TPD52L3: variants seen among roughly 807,000 people sequenced by gnomAD.
The protein encoded by TPD52L3 is TPD52 like 3.
In TPD52L3, 12 loss-of-function variants were observed where a neutral mutation model predicts 8.7. That is an observed-to-expected ratio of 1.38 (90% CI 0.89 to 2.24). The LOEUF (loss-of-function observed/expected upper bound fraction) is 2.24, where lower values mean the gene tolerates loss of function less well. Ranked by LOEUF, TPD52L3 falls within the 30% of genes most tolerant of loss-of-function variation. TPD52L3 has a pLI of 0.00. For synonymous variants in TPD52L3, 79 were observed against 66.8 expected (o/e 1.18, Z -0.89); for missense variants, 207 against 158.7 (o/e 1.30, Z -1.64).
Position 6,328,797 on chromosome 9 carries a change from G to A in TPD52L3, c.202G>A (p.Ala68Thr), listed in dbSNP as rs77788073. 1,148 of 1,614,172 alleles carry A rather than the reference G, an allele frequency of 7.1e-4. 12 individuals carry two copies. The African/African-American group carries it at 0.014, about 20-fold the overall frequency. Reference protein sequence around the residue: ...GELKRKLGLTALVGLRQNLSK... With the variant: ...GELKRKLGLTTLVGLRQNLSK... The stretch of plus-strand genomic sequence containing the variant: ...ACTCAAGAGGAAGTTAGGCCTCACC[G>A]CCTTGGTAGGGCTGAGACAGAATCT... The change falls in exon 1 of 2, where the codon GCC (alanine) becomes ACC (threonine). Residue 68 changes from alanine (A) to threonine (T), a missense_variant. By Grantham distance (58) the Ala-to-Thr change is moderately conservative. Coordinates refer to ENST00000314556, the MANE Select transcript of TPD52L3 (RefSeq NM_001001874.3).
chr9:6,330,824 A>C (rs1818137462), intron 1 of TPD52L3, 152 bp from the exon 2 acceptor site: 7 of 1,422,682 alleles, frequency 4.9e-6, no homozygotes, highest in Non-Finnish European at 6.4e-6. Flanking sequence ...ACAATCTCAG[A>C]CTATTATCAT....
At chr9:6,329,950 A>T in intron 1 of TPD52L3, 1 of 1,315,344 alleles carries the variant, frequency 7.6e-7, no homozygotes, top group Non-Finnish European at 9.7e-7. Context: ...CCATAGCAGC[A>T]CTTCACTTAA....
In TPD52L3 at chr9:6,328,919, G is replaced by T. The variant is rs775032692; in HGVS notation, c.324G>T (p.Lys108Asn). The T allele has an allele frequency of 2.4e-5, 39 of 1,614,174 alleles. 1 individual carries two copies. The South Asian group carries it at 4.2e-4, about 17-fold the overall frequency. ...LSTMGTLICR[K>N]LGGVKKSATF... Reference sequence around the variant, plus strand: ...CCATGGGCACTCTCATCTGCAGGAAGCTTGGAGGCGTGAAGAAGTCGGCCA... The same window carrying T: ...CCATGGGCACTCTCATCTGCAGGAATCTTGGAGGCGTGAAGAAGTCGGCCA... Residue 108 changes from lysine to asparagine, a missense_variant, in exon 1 of 2, where the codon AAG (lysine) becomes AAT (asparagine). Physicochemically the swap from Lys to Asn is moderately conservative, Grantham distance 94. Transcript: ENST00000314556.
Position 6,331,080 on chromosome 9 carries a change from T to G in TPD52L3, c.*61T>G. On this transcript the variant is annotated 3_prime_UTR_variant, in exon 2 of 2. Transcript: ENST00000314556. ...GAGACTATCAACAACATGAACTTGT[T>G]CACAAGTTCCTTCTGCTTTTAAACA... 1 of 1,537,468 alleles carries G rather than the reference T, an allele frequency of 6.5e-7. No homozygotes were observed. Among genetic ancestry groups the G allele is most frequent in the Non-Finnish European group, 8.9e-7 (1 of 1,122,030 alleles).
At chr9:6,330,311 T>C (rs1268182491) in intron 1 of TPD52L3, 3 of 1,551,060 alleles carry the variant, frequency 1.9e-6, no homozygotes, top group Admixed American at 2.1e-5. Flanking sequence ...TTTGTTTTCC[T>C]TTTCCATTTT....
At chr9:6,329,798 A>C in intron 1 of TPD52L3, 1 of 1,054,572 alleles carries the variant, frequency 9.5e-7, no homozygotes, top group Non-Finnish European at 1.2e-6. Flanking sequence ...TGGACTAAGC[A>C]AAACAACAGT....
At chr9:6,330,631 G>C in intron 1 of TPD52L3, 1 of 1,167,604 alleles carries the variant, frequency 8.6e-7, no homozygotes, top group South Asian at 3.6e-5. Context: ...TGAAGACAAA[G>C]TTTTGCTTGG....
At chr9:6,329,074 G>A in intron 1 of TPD52L3, 112 bp downstream of exon 1, 4 of 1,572,430 alleles carry the variant, frequency 2.5e-6, no homozygotes, top group South Asian at 2.4e-5. Context: ...GGGGTGTGGG[G>A]AAGACCCACT....
intron 1 of TPD52L3, chr9:6,329,664 A>T: frequency 2.0e-6 from 2 of 1,001,770 alleles, no homozygotes; most frequent in Non-Finnish European, 2.4e-6. Flanking sequence ...CTTTTATTTT[A>T]AAAAGATGAT....
intron 1 of TPD52L3, chr9:6,330,250 G>C (rs1274836077): frequency 1.3e-6 from 2 of 1,598,710 alleles, no homozygotes; most frequent in Non-Finnish European, 1.7e-6. Context: ...AACCTGGACG[G>C]TGCTTGTTTG....
chr9:6,329,826 T>C (rs1039509477), intron 1 of TPD52L3: 11 of 1,099,654 alleles, frequency 1.0e-5, no homozygotes, highest in African/African-American at 1.7e-5. Flanking sequence ...TAGGAAATTA[T>C]TACTACTTTG....
intron 1 of TPD52L3, chr9:6,330,723 G>A: frequency 1.6e-6 from 2 of 1,263,130 alleles, no homozygotes; most frequent in Non-Finnish European, 1.0e-6. Context: ...TTGTATGCTG[G>A]AGAACAAGAG....
chr9:6,329,889 T>C (rs995646810), intron 1 of TPD52L3: 2 of 1,224,408 alleles, frequency 1.6e-6, no homozygotes, highest in South Asian at 3.5e-5. Flanking sequence ...AATTTCTTTA[T>C]ATATCAAAAT....
At chr9:6,330,636 G>C in intron 1 of TPD52L3, 4 of 1,169,216 alleles carry the variant, frequency 3.4e-6, no homozygotes, top group Non-Finnish European at 4.3e-6. Context: ...ACAAAGTTTT[G>C]CTTGGATTAA....
intron 1 of TPD52L3, 188 bp from the exon 2 acceptor site, chr9:6,330,788 A>G (rs538610212): frequency 1.9e-4 from 257 of 1,360,242 alleles, no homozygotes; most frequent in Middle Eastern, 1.7e-3. Flanking sequence ...AGGCTTTGAC[A>G]TATTTCAGGA....
Position 6,330,610 on chromosome 9 carries a change from C to G in TPD52L3, c.368-366C>G, listed in dbSNP as rs143399396. Reference sequence around the variant, plus strand: ...AAAGTTACTCATGTATCCCAACCCTCCACAGATTTCTGAAGACAAAGTTTT... The same window carrying G: ...AAAGTTACTCATGTATCCCAACCCTGCACAGATTTCTGAAGACAAAGTTTT... On this transcript the variant is annotated intron_variant, in intron 1 of 1. Transcript: ENST00000314556. 34 of 1,166,238 alleles carry G rather than the reference C, an allele frequency of 2.9e-5. No individual in the cohort carries two copies. The East Asian group carries it at 1.2e-3, about 42-fold the overall frequency. 72.2% of individuals were successfully genotyped at this position (1,166,238 alleles called of 1,614,324 possible). A position where few individuals can be genotyped will look rare whatever the true frequency, so the allele number is the denominator to read the frequency against.
chr9:6,330,533 CT>C (rs1222767823), intron 1 of TPD52L3: 2 of 1,210,072 alleles, frequency 1.7e-6, no homozygotes, highest in Non-Finnish European at 1.0e-6. Context: ...TTTGGTTTTC[CT>C]ATAAGCAAAA....
rs1818145770 is a variant in TPD52L3, at chr9:6,331,273, A to G, written c.*254A>G. The stretch of plus-strand genomic sequence containing the variant: ...TAAAATAGAGCTGTGTGCCAGAGAT[A>G]AAAGAAGTCCTGAGGAAGGGGTGTT... On this transcript the variant is annotated 3_prime_UTR_variant, in exon 2 of 2. Coordinates refer to ENST00000314556, the MANE Select transcript of TPD52L3 (RefSeq NM_001001874.3). The G allele has an allele frequency of 8.6e-6, 3 of 347,464 alleles. No homozygotes were observed. Among genetic ancestry groups the G allele is most frequent in the South Asian group, 1.5e-4 (2 of 12,912 alleles). 21.5% of individuals were successfully genotyped at this position (347,464 alleles called of 1,614,324 possible).
rs764590794 is a variant in TPD52L3, at chr9:6,331,139, C to T, written c.*120C>T. ...GTGTTTATTCAAAGCCAATCTGAGA[C>T]CCTACTCTGTATCAAGAACTGTCCC... is the stretch of plus-strand genomic sequence containing the variant. On this transcript the variant is annotated 3_prime_UTR_variant, in exon 2 of 2. Coordinates refer to ENST00000314556, the MANE Select transcript of TPD52L3 (RefSeq NM_001001874.3). 2.2e-5 allele frequency: 23 copies of T among 1,048,660 alleles called. No homozygotes were observed. The African/African-American group carries it at 3.3e-4, about 15-fold the overall frequency. The allele number at this position is 1,048,660 out of a possible 1,614,324, so 65.0% of individuals were successfully genotyped here. A position where few individuals can be genotyped will look rare whatever the true frequency, so the allele number is the denominator to read the frequency against.
Sources: allele counts gnomAD v4.1 joint callset, GRCh38; gene constraint gnomAD v4.1.1; transcripts MANE v1.5; gene names NCBI Gene and HGNC (gene_info 2026-07-23, HGNC 2026-07-21).